SFXN5: variants seen among roughly 807,000 people sequenced by gnomAD.
SFXN5 encodes sideroflexin-5.
In SFXN5, 43 loss-of-function variants were observed where a neutral mutation model predicts 50.2. The ratio of observed to expected loss-of-function variants is 0.86; its 90% CI spans 0.67 to 1.11. The LOEUF is 1.11. SFXN5 is among the 50% of genes least tolerant of loss of function. The pLI is 0.00. For synonymous variants in SFXN5, 203 were observed against 185.8 expected (o/e 1.09, Z -0.75); for missense variants, 463 against 454.1 (o/e 1.02, Z -0.18).
intron 1 of SFXN5, chr2:73,059,941 G>A: frequency 1.1e-6 from 1 of 877,968 alleles, no homozygotes; most frequent in Non-Finnish European, 1.4e-6. Context: ...ATAAATGATG[G>A]TCCATTCATA....
chr2:73,028,233 T>C (rs1029870476), intron 3 of SFXN5, among the ~76,000 whole-genome samples: 1 of 152,246 alleles, frequency 6.6e-6, no homozygotes, highest in African/African-American at 2.4e-5. Flanking sequence ...AAGTGAGGCA[T>C]GACTGTATCT....
chr2:72,987,076 C>G (rs765606544), intron 10 of SFXN5, among the ~76,000 whole-genome samples: 1 of 152,148 alleles, frequency 6.6e-6, no homozygotes, highest in Non-Finnish European at 1.5e-5. Flanking sequence ...CCTGAAATTA[C>G]CAAAATATTG....
At chr2:72,965,487 A>C (rs2105412022) in intron 12 of SFXN5, among the ~76,000 whole-genome samples, 1 of 152,316 alleles carries the variant, frequency 6.6e-6, no homozygotes, top group East Asian at 1.9e-4. Context: ...AACTGAGCTG[A>C]CTAATACAAG....
intron 3 of SFXN5, among the ~76,000 whole-genome samples, chr2:73,029,440 A>T (rs1678015417): frequency 6.6e-6 from 1 of 151,112 alleles, no homozygotes; most frequent in Admixed American, 6.6e-5. Flanking sequence ...TTTTTTTTTT[A>T]AAGGATTTAA....
At chr2:73,000,640 C>A (rs1026733837) in intron 7 of SFXN5, among the ~76,000 whole-genome samples, 153 bp from the exon 8 acceptor site, 1 of 152,198 alleles carries the variant, frequency 6.6e-6, no homozygotes, top group East Asian at 1.9e-4. Flanking sequence ...GCATGACTGA[C>A]CGTCCTGGTT....
At chr2:73,051,980 G>A (rs532830479) in intron 2 of SFXN5, among the ~76,000 whole-genome samples, 1 of 152,208 alleles carries the variant, frequency 6.6e-6, no homozygotes, top group South Asian at 2.1e-4. Context: ...TATGTATGGC[G>A]TGGACACATT....
intron 11 of SFXN5, among the ~76,000 whole-genome samples, chr2:72,969,400 T>C (rs1443467356): frequency 6.6e-6 from 1 of 151,954 alleles, no homozygotes; most frequent in Non-Finnish European, 1.5e-5. Flanking sequence ...TTTTTTTTGT[T>C]TGTTTGTTTT....
Position 73,003,191 on chromosome 2 carries a change from G to A in SFXN5, c.358-1613C>T, listed in dbSNP as rs542104658. Among the ~76,000 whole-genome samples the A allele has an allele frequency of 4.2e-4, 64 of 152,228 alleles. No individual in the cohort carries two copies. In the Middle Eastern group the frequency reaches 0.01, roughly 24 times the overall value. On this transcript the variant is annotated intron_variant, in intron 6 of 13. Transcript: ENST00000272433. ...AGTACATGTGCTCCTATGTGTACAC[G>A]TATGCATGCCTGACTGCCTTCTACC...
rs527241264 is a variant in SFXN5 at position 72,946,421 on chromosome 2, C to G, written c.946-1322G>C. On this transcript the variant is annotated intron_variant, in intron 13 of 13. Coordinates refer to ENST00000272433, the MANE Select transcript of SFXN5 (RefSeq NM_144579.3). ...TCTCTCCAAGGTCACTGCCACCCCCCACTTCACGACACCCACTGCATGCTC... is the reference window on the plus strand; with the variant it reads ...TCTCTCCAAGGTCACTGCCACCCCCGACTTCACGACACCCACTGCATGCTC... 1.6e-3 allele frequency among the ~76,000 whole-genome samples: 245 copies of G among 152,320 alleles called. 1 individual carries two copies. Among genetic ancestry groups the G allele is most frequent in the African/African-American group, 5.7e-3 (236 of 41,566 alleles).
chr2:73,047,245 AATATATATATATAT>A (rs1167103035), intron 2 of SFXN5, among the ~76,000 whole-genome samples: 3 of 18,906 alleles, frequency 1.6e-4, no homozygotes, highest in African/African-American at 4.8e-4. Flanking sequence ...AAAAAAAAAA[AATATATATATATAT>A]ATATATATAT....
At chr2:73,045,620 A>C (rs1407232532) in intron 2 of SFXN5, among the ~76,000 whole-genome samples, 1 of 152,086 alleles carries the variant, frequency 6.6e-6, no homozygotes, top group Non-Finnish European at 1.5e-5. Flanking sequence ...TTGATGGTTC[A>C]GTAGCTGACT....
At chr2:73,040,468 T>G (rs1349505145) in intron 3 of SFXN5, among the ~76,000 whole-genome samples, 1 of 152,242 alleles carries the variant, frequency 6.6e-6, no homozygotes, top group Non-Finnish European at 1.5e-5. Context: ...TAACCTGTTC[T>G]CTGGAGAAAA....
intron 9 of SFXN5, among the ~76,000 whole-genome samples, chr2:72,988,747 C>A (rs1222614050): frequency 6.6e-6 from 1 of 152,196 alleles, no homozygotes; most frequent in Non-Finnish European, 1.5e-5. Context: ...CTCATTCCCA[C>A]CCCAGCCCTA....
intron 13 of SFXN5, among the ~76,000 whole-genome samples, chr2:72,946,783 C>T (rs1245738438): frequency 6.6e-6 from 1 of 152,224 alleles, no homozygotes; most frequent in African/African-American, 2.4e-5. Context: ...TCCCCAACCA[C>T]AGCCAGTGCC....
intron 2 of SFXN5, among the ~76,000 whole-genome samples, chr2:73,047,367 A>G (rs1223698286): frequency 6.9e-6 from 1 of 144,056 alleles, no homozygotes; most frequent in African/African-American, 2.5e-5. Flanking sequence ...ATATATGTAT[A>G]TATATGTATA....
At chr2:73,027,899 C>A (rs1677789196) in intron 3 of SFXN5, among the ~76,000 whole-genome samples, 1 of 152,110 alleles carries the variant, frequency 6.6e-6, no homozygotes, top group Non-Finnish European at 1.5e-5. Context: ...TGGGCTCAAG[C>A]AATCCTCCCA....
intron 13 of SFXN5, among the ~76,000 whole-genome samples, chr2:72,954,419 G>A (rs1225128638): frequency 6.6e-6 from 1 of 152,166 alleles, no homozygotes; most frequent in Non-Finnish European, 1.5e-5. Context: ...AAGGCAGACG[G>A]CAGATGCCAA....
intron 1 of SFXN5, among the ~76,000 whole-genome samples, chr2:73,060,382 T>C (rs770133687): frequency 2.0e-5 from 3 of 151,988 alleles, no homozygotes; most frequent in Non-Finnish European, 4.4e-5. Flanking sequence ...ATAAATCTAA[T>C]CACAAGAAAA....
At chr2:73,051,012 C>T (rs528877891) in intron 2 of SFXN5, among the ~76,000 whole-genome samples, 14 of 152,318 alleles carry the variant, frequency 9.2e-5, no homozygotes, top group Non-Finnish European at 1.6e-4. Flanking sequence ...CTGCCTTCCA[C>T]GAAGTCCTAG....
Sources: allele counts gnomAD v4.1 joint callset (sites outside exome capture counted in the v4.1 genomes callset), GRCh38; gene constraint gnomAD v4.1.1; transcripts MANE v1.5; gene names NCBI Gene and HGNC (gene_info 2026-07-23, HGNC 2026-07-21).